DOCK8: variants seen among roughly 807,000 people sequenced by gnomAD.
DOCK8 encodes the protein dedicator of cytokinesis 8, also known as dedicator of cytokinesis protein 8.
A neutral mutation model predicts 245.6 loss-of-function variants in DOCK8; 141 were observed. That is an observed-to-expected ratio of 0.57 (90% CI 0.50 to 0.66). The LOEUF (loss-of-function observed/expected upper bound fraction) is 0.66, where lower values mean the gene tolerates loss of function less well. Among genes scored for constraint, DOCK8 ranks in the 30% least tolerant of loss-of-function variants. The pLI is 0.00. For synonymous variants in DOCK8, 1,168 were observed against 970.2 expected (o/e 1.20, Z -3.79); for missense variants, 2,965 against 2,603.4 (o/e 1.14, Z -3.02).
intron 24 of DOCK8, among the ~76,000 whole-genome samples, chr9:395,995 G>A (rs1323926021): frequency 6.6e-6 from 1 of 151,862 alleles, no homozygotes; most frequent in Non-Finnish European, 1.5e-5. Context: ...GTCAATTGGT[G>A]ACTTGTATTG....
At chr9:360,841 C>A (rs146861699) in intron 14 of DOCK8, among the ~76,000 whole-genome samples, 2 of 151,964 alleles carry the variant, frequency 1.3e-5, no homozygotes, top group African/African-American at 4.8e-5. Context: ...CTAAATGGAG[C>A]GGGAGGAATG....
In DOCK8 at chr9:464,895, A is replaced by T. The variant is rs2057922623; in HGVS notation, c.*676A>T. 6.5e-6 allele frequency: 1 copy of T among 154,214 alleles called. No homozygotes were observed. The highest frequency in any genetic ancestry group is 6.4e-5 in the Admixed American group (1 of 15,716). 9.6% of individuals were successfully genotyped at this position (154,214 alleles called of 1,614,324 possible). On this transcript the variant is annotated 3_prime_UTR_variant, in exon 48 of 48. Transcript: ENST00000432829. ...CATTCAAAGCACTGATGTAGGAGAT[A>T]CACGGTACTTGGAGCAGTCAGCCAG...
chr9:344,480 A>T (rs1262858852), intron 14 of DOCK8, among the ~76,000 whole-genome samples: 1 of 152,006 alleles, frequency 6.6e-6, no homozygotes, highest in East Asian at 1.9e-4. Context: ...CCCCCCATTC[A>T]CGACATGGAA....
In DOCK8 at chr9:225,828, A is replaced by G. The variant is rs906407660; in HGVS notation, c.53+10799A>G. 6.6e-5 allele frequency among the ~76,000 whole-genome samples: 10 copies of G among 152,230 alleles called. No individual in the cohort carries two copies. In the South Asian group the frequency reaches 1.0e-3, roughly 16 times the overall value. ...GGTCAAGGAAAGCATCTCTTAGAGA[A>G]AAACCTCTGAGCCAAGATCAAGCAG... On this transcript the variant is annotated intron_variant, in intron 1 of 47. Transcript: ENST00000432829.
intron 46 of DOCK8, among the ~76,000 whole-genome samples, chr9:456,005 C>T (rs2057628952): frequency 6.6e-6 from 1 of 152,178 alleles, no homozygotes; most frequent in African/African-American, 2.4e-5. Flanking sequence ...TAGGACAAGG[C>T]TACAGACAAA....
At chr9:328,444 T>A (rs892930514) in intron 9 of DOCK8, among the ~76,000 whole-genome samples, 3 of 152,254 alleles carry the variant, frequency 2.0e-5, no homozygotes, top group Non-Finnish European at 4.4e-5. Flanking sequence ...TTTCTGAGAC[T>A]GAGTTTCCTC....
chr9:371,440 T>C lies in DOCK8; in HGVS notation c.1881T>C (p.Phe627=), dbSNP rs140134223. The change falls in exon 17 of 48, where the codon TTT becomes TTC. Residue 627 remains phenylalanine, a synonymous_variant. Transcript: ENST00000432829. Reference sequence around the variant, plus strand: ...GCTTTTGAAACAGGTCTCCTGACTTTTATGAAGAAGTGAAAATTAAGCTCC... The same window carrying C: ...GCTTTTGAAACAGGTCTCCTGACTTCTATGAAGAAGTGAAAATTAAGCTCC... The part of the protein sequence containing the change: ...AVTYHNKSPD[F]YEEVKIKLPA... 1.8e-4 allele frequency: 297 copies of C among 1,614,198 alleles called. 2 individuals are homozygous for C. In the African/African-American group the frequency reaches 3.4e-3, roughly 19 times the overall value.
intron 30 of DOCK8, 25 bp from the exon 31 acceptor site, chr9:420,376 C>T (rs1348138301): frequency 2.5e-6 from 4 of 1,613,908 alleles, no homozygotes; most frequent in Non-Finnish European, 3.4e-6. Flanking sequence ...CCCTGGCCTC[C>T]ATCCCCCAAT....
At chr9:386,470 G>A in intron 23 of DOCK8, 44 bp downstream of exon 23, 1 of 1,561,426 alleles carries the variant, frequency 6.4e-7, no homozygotes, top group South Asian at 1.1e-5. Flanking sequence ...GATAAGAACA[G>A]AAGGATTTCC....
chr9:420,611 C>T lies in DOCK8; in HGVS notation c.4023+28C>T, dbSNP rs371912214. ...AAGTCTGGAGTGGCACAACTTTATA[C>T]CAGCTCTTATCTCTCAATTGCAATT... On this transcript the variant is annotated intron_variant, in intron 31 of 47. Coordinates refer to ENST00000432829, the MANE Select transcript of DOCK8 (RefSeq NM_203447.4). The T allele has an allele frequency of 2.7e-4, 430 of 1,613,132 alleles. No individual in the cohort carries two copies. In the African/African-American group the frequency reaches 2.9e-3, roughly 11 times the overall value.
chr9:390,088 G>A (rs775485589), intron 23 of DOCK8, among the ~76,000 whole-genome samples: 130 of 152,240 alleles, frequency 8.5e-4, no homozygotes, highest in Non-Finnish European at 1.5e-3. Context: ...AACTGAGGGT[G>A]AAGAGAGGAA....
At chr9:405,538 C>A (rs2055375173) in intron 27 of DOCK8, among the ~76,000 whole-genome samples, 1 of 152,154 alleles carries the variant, frequency 6.6e-6, no homozygotes, top group Admixed American at 6.5e-5. Flanking sequence ...AGGAGGTGTG[C>A]ATGATAAGCA....
At chr9:357,882 A>G (rs1000071434) in intron 14 of DOCK8, among the ~76,000 whole-genome samples, 1 of 152,154 alleles carries the variant, frequency 6.6e-6, no homozygotes, top group Non-Finnish European at 1.5e-5. Context: ...TCTTCAACCT[A>G]CACATCAGGA....
chr9:311,606 A>G (rs2050113904), intron 5 of DOCK8, among the ~76,000 whole-genome samples: 1 of 152,118 alleles, frequency 6.6e-6, no homozygotes, highest in Non-Finnish European at 1.5e-5. Context: ...GGTGTGAGAC[A>G]TGAGCATGGT....
chr9:357,287 G>A (rs2052490683), intron 14 of DOCK8, among the ~76,000 whole-genome samples: 1 of 152,210 alleles, frequency 6.6e-6, no homozygotes. Flanking sequence ...ATCAATTCAT[G>A]TTCAAAGATC....
At chr9:425,772 A>AC (rs964565627) in intron 33 of DOCK8, among the ~76,000 whole-genome samples, 2 of 151,782 alleles carry the variant, frequency 1.3e-5, no homozygotes, top group African/African-American at 4.8e-5. Context: ...AAAAAAAAAA[A>AC]AAAAAACTTT....
intron 33 of DOCK8, among the ~76,000 whole-genome samples, chr9:422,370 C>A (rs2056311259): frequency 6.6e-6 from 1 of 152,130 alleles, no homozygotes; most frequent in Admixed American, 6.5e-5. Flanking sequence ...ACTAATATTT[C>A]TTTAGCAACC....
rs375466710 is a variant in DOCK8, at chr9:285,291, C to T, written c.157-1170C>T. ...TTCAACAGCGCTTTGTCTCTCCTCT[C>T]CAGCTTGAAGCCCTTACTCTGGTAT... On this transcript the variant is annotated intron_variant, in intron 2 of 47. Coordinates refer to ENST00000432829, the MANE Select transcript of DOCK8 (RefSeq NM_203447.4). 7.9e-5 allele frequency among the ~76,000 whole-genome samples: 12 copies of T among 152,270 alleles called. No homozygotes were observed. In the East Asian group the frequency reaches 1.7e-3, roughly 22 times the overall value.
chr9:253,869 A>G (rs186431656), intron 1 of DOCK8, among the ~76,000 whole-genome samples: 2 of 152,346 alleles, frequency 1.3e-5, no homozygotes, highest in African/African-American at 4.8e-5. Context: ...AAGCATGTGA[A>G]AACCCCCAGG....
Sources: gnomAD v4.1 joint callset for allele counts (sites outside exome capture counted in the v4.1 genomes callset) on GRCh38, gnomAD v4.1.1 for gene constraint, MANE v1.5 for transcripts, NCBI Gene and HGNC (gene_info 2026-07-23, HGNC 2026-07-21) for gene names.